SLC17A8: variants seen among roughly 807,000 people sequenced by gnomAD.
The protein encoded by SLC17A8 is vesicular glutamate transporter 3.
A neutral mutation model predicts 58.0 loss-of-function variants in SLC17A8; 31 were observed. The observed-to-expected ratio is 0.53, with a 90% CI of 0.40 to 0.72. SLC17A8 has a LOEUF of 0.72. SLC17A8 is among the 30% of genes least tolerant of loss of function. The pLI is 0.00. For missense variants in SLC17A8, 655 were observed against 727.8 expected (o/e 0.90, Z 1.15); for synonymous variants, 228 against 249.0 (o/e 0.92, Z 0.79).
At chr12:100,412,251 T>C (rs1177853676) in intron 9 of SLC17A8, among the ~76,000 whole-genome samples, 1 of 152,102 alleles carries the variant, frequency 6.6e-6, no homozygotes, top group African/African-American at 2.4e-5. Flanking sequence ...ATTAGCAAAG[T>C]CATGTAGTCA....
chr12:100,402,885 C>A (rs1238469479), intron 8 of SLC17A8, 140 bp downstream of exon 8: 1 of 849,382 alleles, frequency 1.2e-6, no homozygotes, highest in Admixed American at 2.7e-5. Flanking sequence ...GGCTGTCAGA[C>A]AAGTTATACA....
At chr12:100,375,601 G>A (rs565877331) in intron 1 of SLC17A8, among the ~76,000 whole-genome samples, 1 of 152,154 alleles carries the variant, frequency 6.6e-6, no homozygotes, top group Non-Finnish European at 1.5e-5. Flanking sequence ...CACAGCAGCT[G>A]GGGCTGTCTG....
chr12:100,373,235 G>A (rs1206056017), intron 1 of SLC17A8, among the ~76,000 whole-genome samples: 4 of 152,176 alleles, frequency 2.6e-5, no homozygotes, highest in African/African-American at 7.2e-5. Context: ...CTGCAGTCAA[G>A]CAGGGAAGGA....
intron 10 of SLC17A8, among the ~76,000 whole-genome samples, 198 bp from the exon 11 acceptor site, chr12:100,417,831 T>A (rs533134564): frequency 6.6e-6 from 1 of 152,324 alleles, no homozygotes; most frequent in South Asian, 2.1e-4. Flanking sequence ...TAGATATCCA[T>A]AATCAATTCC....
At chr12:100,405,061 T>G (rs1952817777) in intron 9 of SLC17A8, among the ~76,000 whole-genome samples, 2 of 152,196 alleles carry the variant, frequency 1.3e-5, no homozygotes, top group Admixed American at 1.3e-4. Flanking sequence ...GTCTGGCACA[T>G]TTAGAAGTGA....
intron 10 of SLC17A8, among the ~76,000 whole-genome samples, chr12:100,415,157 T>G (rs2136016440): frequency 6.6e-6 from 1 of 152,292 alleles, no homozygotes; most frequent in East Asian, 1.9e-4. Flanking sequence ...GCTTTTTTGT[T>G]TTCCTTTTTT....
At chr12:100,364,762 G>C (rs1215377781) in intron 1 of SLC17A8, among the ~76,000 whole-genome samples, 1 of 152,138 alleles carries the variant, frequency 6.6e-6, no homozygotes, top group Non-Finnish European at 1.5e-5. Flanking sequence ...ATTCACCACT[G>C]CCTATGAGTC....
At chr12:100,400,998 C>CGTT (rs1555326949) in intron 5 of SLC17A8, among the ~76,000 whole-genome samples, 11 of 113,074 alleles carry the variant, frequency 9.7e-5, no homozygotes, top group Non-Finnish European at 1.9e-4. Context: ...CACCCCTCAC[C>CGTT]TTTTTTTTTT....
chr12:100,377,568 G>GATAT lies in SLC17A8; in HGVS notation c.102-3118_102-3115dup, dbSNP rs1203225174. On this transcript the variant is annotated intron_variant, in intron 1 of 11. Transcript: ENST00000323346. ...AGTGAGGCATCCAAGATGGCTTCAA[G>GATAT]ATATATATATATATATATTTTTTTT... Among the ~76,000 whole-genome samples the GATAT allele has an allele frequency of 1.8e-3, 216 of 121,288 alleles. 2 individuals are homozygous for GATAT. The highest frequency in any genetic ancestry group is 5.1e-3 in the African/African-American group (134 of 26,420). 79.6% of individuals were successfully genotyped at this position (121,288 alleles called of 152,430 possible).
intron 1 of SLC17A8, among the ~76,000 whole-genome samples, chr12:100,379,574 A>C (rs998299151): frequency 2.0e-5 from 3 of 152,162 alleles, no homozygotes; most frequent in African/African-American, 7.2e-5. Flanking sequence ...GAAAACTTGC[A>C]AGCTTTAATT....
intron 1 of SLC17A8, among the ~76,000 whole-genome samples, chr12:100,375,079 G>C (rs1176650732): frequency 6.6e-6 from 1 of 150,952 alleles, no homozygotes; most frequent in African/African-American, 2.4e-5. Flanking sequence ...GCACACAGAG[G>C]GTGCTTGTGT....
rs1952629242 is a variant in SLC17A8 at position 100,380,727 on chromosome 12, A to C, written c.128A>C (p.Glu43Ala). 1.9e-6 allele frequency: 3 copies of C among 1,614,088 alleles called. No individual in the cohort carries two copies. Among genetic ancestry groups the C allele is most frequent in the Non-Finnish European group, 2.5e-6 (3 of 1,180,040 alleles). The change falls in exon 2 of 12, where the codon GAA (glutamate) becomes GCA (alanine). Residue 43 changes from glutamate to alanine, a missense_variant. Transcript: ENST00000323346. ...AAAATCGATGGGACAACTGAGGAAG[A>C]AGATAACATTGAGCTGAATGAAGAA... Reference protein sequence around the residue: ...QRKIDGTTEEEDNIELNEEGR... With the variant: ...QRKIDGTTEEADNIELNEEGR...
intron 5 of SLC17A8, among the ~76,000 whole-genome samples, chr12:100,399,732 A>G (rs576989200): frequency 2.0e-5 from 3 of 152,124 alleles, no homozygotes; most frequent in Admixed American, 6.5e-5. Flanking sequence ...CCCTCAACAC[A>G]TGGGGATTAC....
intron 1 of SLC17A8, among the ~76,000 whole-genome samples, chr12:100,374,740 C>A (rs1952582573): frequency 6.6e-6 from 1 of 152,200 alleles, no homozygotes; most frequent in Admixed American, 6.5e-5. Flanking sequence ...TCACAAACAA[C>A]TCAGGAGGTC....
intron 2 of SLC17A8, among the ~76,000 whole-genome samples, chr12:100,390,195 C>A (rs1001302574): frequency 1.3e-5 from 2 of 151,958 alleles, no homozygotes; most frequent in African/African-American, 4.8e-5. Flanking sequence ...GAGCTCCTGG[C>A]CTCAAGTAAT....
At position 100,412,814 on chromosome 12, in the gene SLC17A8, C is replaced by A. The variant is rs745717181; in HGVS notation, c.1231C>A (p.His411Asn). ...ATLLLVVGFS[H>N]TKGVAISFLV... ...CTTACTCCTGGTGGTTGGCTTTTCG[C>A]ATACCAAAGGGGTGGCTATCTCCTT... is the stretch of plus-strand genomic sequence containing the variant. The change falls in exon 10 of 12, where the codon CAT (histidine) becomes AAT (asparagine). Residue 411 changes from histidine (H) to asparagine (N), a missense_variant. Transcript: ENST00000323346. The A allele has an allele frequency of 2.5e-6, 4 of 1,613,984 alleles. No individual in the cohort carries two copies. In the African/African-American group the frequency reaches 4.0e-5, roughly 16 times the overall value.
At position 100,416,079 on chromosome 12, in the gene SLC17A8, G is replaced by A. The variant is rs527812194; in HGVS notation, c.1298-1950G>A. Among the ~76,000 whole-genome samples the A allele has an allele frequency of 3.9e-5, 6 of 152,240 alleles. No individual in the cohort carries two copies. The South Asian group carries it at 1.0e-3, about 26-fold the overall frequency. On this transcript the variant is annotated intron_variant, in intron 10 of 11. Coordinates refer to ENST00000323346, the MANE Select transcript of SLC17A8 (RefSeq NM_139319.3). ...CAAGAGATGAGTGATGCCTGTTTTGGGAAATGTCCTATACAGAAGATAGAT... is the reference window on the plus strand; with the variant it reads ...CAAGAGATGAGTGATGCCTGTTTTGAGAAATGTCCTATACAGAAGATAGAT...
rs557610898 is a variant in SLC17A8, at chr12:100,394,739, G to A, written c.588+1256G>A. On this transcript the variant is annotated intron_variant, in intron 4 of 11. Transcript: ENST00000323346. ...CTTTTTCAAAGCATACATATATATA[G>A]TAGAATTATATATAAATTTAATTAT... Among the ~76,000 whole-genome samples the A allele has an allele frequency of 1.1e-4, 16 of 146,762 alleles. No individual in the cohort carries two copies. In the South Asian group the frequency reaches 3.2e-3, roughly 29 times the overall value.
chr12:100,402,439 A>G lies in SLC17A8; in HGVS notation c.863A>G (p.Glu288Gly), dbSNP rs1224624973. 1 of 1,614,142 alleles carries G rather than the reference A, an allele frequency of 6.2e-7. No individual in the cohort carries two copies. Among genetic ancestry groups the G allele is most frequent in the Non-Finnish European group, 8.5e-7 (1 of 1,180,008 alleles). The change falls in exon 7 of 12, where the codon GAG becomes GGG. Residue 288 changes from glutamate (E) to glycine (G), a missense_variant. Transcript: ENST00000323346. The part of the protein sequence containing the change: ...TISNEEKTYI[E>G]TSIGEGANVV... Reference sequence around the variant, plus strand: ...TCCAATGAGGAGAAGACCTATATAGAGACAAGCATAGGAGAGGGGGCCAAC... The same window carrying G: ...TCCAATGAGGAGAAGACCTATATAGGGACAAGCATAGGAGAGGGGGCCAAC...
Sources: gnomAD v4.1 joint callset for allele counts (sites outside exome capture counted in the v4.1 genomes callset) on GRCh38, gnomAD v4.1.1 for gene constraint, MANE v1.5 for transcripts, NCBI Gene and HGNC (gene_info 2026-07-23, HGNC 2026-07-21) for gene names.